Variants in MBNL2 observed in about 807,000 individuals in gnomAD.
The protein encoded by MBNL2 is muscleblind like splicing regulator 2.
MBNL2 carries 17 observed loss-of-function variants against 41.9 expected under a neutral mutation model. The ratio of observed to expected loss-of-function variants is 0.41; its 90% CI spans 0.28 to 0.61. The LOEUF (loss-of-function observed/expected upper bound fraction) is 0.61, where lower values mean the gene tolerates loss of function less well. Ranked by LOEUF, MBNL2 falls within the 20% of genes least tolerant of loss-of-function variation. The pLI, the probability that MBNL2 is intolerant of heterozygous loss-of-function variation, is 0.35. For missense variants in MBNL2, 336 were observed against 505.6 expected (o/e 0.66, Z 3.22); for synonymous variants, 195 against 182.9 (o/e 1.07, Z -0.53).
At chr13:97,360,042 C>T (rs1042236289) in intron 7 of MBNL2, among the ~76,000 whole-genome samples, 2 of 152,062 alleles carry the variant, frequency 1.3e-5, no homozygotes, top group African/African-American at 4.8e-5. Flanking sequence ...AATCATTGTT[C>T]ATCATTGTTG....
Position 97,268,577 on chromosome 13 carries a change from G to A in MBNL2, c.-604-7055G>A, listed in dbSNP as rs753948107. On this transcript the variant is annotated intron_variant, in intron 1 of 8. Transcript: ENST00000679496. The surrounding 1 kb of genome is among the most constrained non-coding windows in gnomAD (Gnocchi z 4.6). The stretch of plus-strand genomic sequence containing the variant: ...GCAGGGTAAGCCAGTGGCATCTGCT[G>A]GAATTTTCCTACAGATAATACTGGA... Among the ~76,000 whole-genome samples, 1 of 152,146 alleles carries A rather than the reference G, an allele frequency of 6.6e-6. No homozygotes were observed.
chr13:97,384,035 G>A (rs1367874800), intron 8 of MBNL2, among the ~76,000 whole-genome samples: 1 of 151,874 alleles, frequency 6.6e-6, no homozygotes, highest in African/African-American at 2.4e-5. Context: ...AAGTAGCTGG[G>A]ATTACAGGCG....
At chr13:97,209,859 G>A in the MBNL2 span, among the ~76,000 whole-genome samples, 2 of 152,102 alleles carry the variant, frequency 1.3e-5, no homozygotes, top group African/African-American at 4.8e-5. Context: ...GCAGTGGCAC[G>A]ATCTCAGCTC....
At position 97,233,177 on chromosome 13, in the gene MBNL2, C is replaced by G. The variant is rs913122433; in HGVS notation, c.-605+10646C>G. Among the ~76,000 whole-genome samples the G allele has an allele frequency of 5.8e-5, 3 of 52,110 alleles. No individual in the cohort carries two copies. The South Asian group carries it at 1.9e-3, about 32-fold the overall frequency. The allele number at this position is 52,110 out of a possible 152,430, so 34.2% of individuals were successfully genotyped here. ...TATATATATATATATATATATATAT[C>G]TTTTTATTATACTTTAAGTTCTAGG... On this transcript the variant is annotated intron_variant, in intron 1 of 8. Coordinates refer to ENST00000679496, the MANE Select transcript of MBNL2 (RefSeq NM_001382683.1).
chr13:97,200,352 T>C, the MBNL2 span, among the ~76,000 whole-genome samples: 1 of 152,212 alleles, frequency 6.6e-6, no homozygotes, highest in Non-Finnish European at 1.5e-5. Flanking sequence ...ACACTCAGGA[T>C]GCAGGAAAGA....
At chr13:97,260,589 T>C (rs1393732332) in intron 1 of MBNL2, among the ~76,000 whole-genome samples, 2 of 152,068 alleles carry the variant, frequency 1.3e-5, no homozygotes, top group African/African-American at 4.8e-5. Context: ...CTGGCGCCGT[T>C]AGGAATGTGG....
At chr13:97,298,918 C>G (rs2057335955) in intron 2 of MBNL2, among the ~76,000 whole-genome samples, 1 of 152,174 alleles carries the variant, frequency 6.6e-6, no homozygotes, top group African/African-American at 2.4e-5. Flanking sequence ...ACAGCTCATT[C>G]TCAGGATCAC....
At chr13:97,166,817 TAGATAGATAGATAGATAGATAGAA>T in the MBNL2 span, among the ~76,000 whole-genome samples, 2 of 150,928 alleles carry the variant, frequency 1.3e-5, no homozygotes, top group Non-Finnish European at 2.9e-5. Context: ...GATAGATAGA[TAGATAGATAGATAGATAGATAGAA>T]AGATAGATAG....
chr13:97,258,382 C>T (rs565466233), intron 1 of MBNL2, among the ~76,000 whole-genome samples: 3 of 152,058 alleles, frequency 2.0e-5, no homozygotes, highest in East Asian at 3.9e-4. Flanking sequence ...TCATCGATGG[C>T]GATTTTTAGA....
chr13:97,322,611 G>T (rs897369766), intron 2 of MBNL2, among the ~76,000 whole-genome samples: 1 of 152,170 alleles, frequency 6.6e-6, no homozygotes, highest in African/African-American at 2.4e-5. Context: ...TAAGAGGAAT[G>T]TTCTTTTCCT....
At chr13:97,300,833 T>C (rs2057546930) in intron 2 of MBNL2, among the ~76,000 whole-genome samples, 1 of 152,210 alleles carries the variant, frequency 6.6e-6, no homozygotes, top group South Asian at 2.1e-4. Context: ...AACTGGCCTT[T>C]TACCCTTGCA....
At chr13:97,280,523 A>G (rs2053163184) in intron 2 of MBNL2, among the ~76,000 whole-genome samples, 1 of 152,240 alleles carries the variant, frequency 6.6e-6, no homozygotes, top group Non-Finnish European at 1.5e-5. Flanking sequence ...TTTCAAGTAC[A>G]GCGAGATCCT....
chr13:97,324,522 T>C (rs943075577), intron 2 of MBNL2, among the ~76,000 whole-genome samples: 4 of 152,142 alleles, frequency 2.6e-5, no homozygotes, highest in African/African-American at 9.7e-5. Flanking sequence ...CTAGACTCTA[T>C]GAAGTCAAAC....
chr13:97,183,740 G>A, the MBNL2 span, among the ~76,000 whole-genome samples: 1 of 152,148 alleles, frequency 6.6e-6, no homozygotes, highest in African/African-American at 2.4e-5. Context: ...TCAATCCTTT[G>A]CCTAGGTGGA....
Position 97,334,545 on chromosome 13 carries a change from C to A in MBNL2, c.339+105C>A. 5.6e-6 allele frequency: 4 copies of A among 711,832 alleles called. No homozygotes were observed. The highest frequency in any genetic ancestry group is 8.9e-6 in the Non-Finnish European group (4 of 450,818). The allele number at this position is 711,832 out of a possible 1,614,324, so 44.1% of individuals were successfully genotyped here. ...TCTCTCCACTTTGTCACTTTGGTTA[C>A]AATTAAAGCAAATAGCTTTAAAGCT... On this transcript the variant is annotated intron_variant, in intron 3 of 8. Transcript: ENST00000679496. The surrounding 1 kb of genome is among the most constrained non-coding windows in gnomAD (Gnocchi z 5.3).
chr13:97,233,674 G>GTT (rs1178454100), intron 1 of MBNL2, among the ~76,000 whole-genome samples: 90 of 143,216 alleles, frequency 6.3e-4, no homozygotes, highest in Admixed American at 1.8e-3. Flanking sequence ...GAGTTTCCCT[G>GTT]TTTTTTTTTT....
chr13:97,347,132 C>T, intron 5 of MBNL2, 65 bp downstream of exon 5: 1 of 1,225,412 alleles, frequency 8.2e-7, no homozygotes, highest in Non-Finnish European at 1.1e-6. Flanking sequence ...CGGGCTGGGA[C>T]TTGGATGTTC....
chr13:97,175,708 G>T, the MBNL2 span, among the ~76,000 whole-genome samples: 2 of 152,152 alleles, frequency 1.3e-5, no homozygotes, highest in East Asian at 3.8e-4. Flanking sequence ...CCCTGCAAAA[G>T]GGTGATGAGA....
chr13:97,163,762 A>AC, the MBNL2 span, among the ~76,000 whole-genome samples: 1 of 152,098 alleles, frequency 6.6e-6, no homozygotes, highest in Non-Finnish European at 1.5e-5. Flanking sequence ...ATCCTCAGGG[A>AC]AGGGGTGGGC....
Sources: allele counts gnomAD v4.1 joint callset (sites outside exome capture counted in the v4.1 genomes callset), GRCh38; gene constraint gnomAD v4.1.1; non-coding constraint Gnocchi (gnomAD v3.1); transcripts MANE v1.5; gene names NCBI Gene and HGNC (gene_info 2026-07-23, HGNC 2026-07-21).